Variants in RORA observed in about 807,000 individuals in gnomAD.
RORA encodes RAR related orphan receptor A, also known as nuclear receptor ROR-alpha.
RORA carries 7 observed loss-of-function variants against 69.5 expected under a neutral mutation model. That is an observed-to-expected ratio of 0.10 (90% CI 0.06 to 0.19). RORA has a LOEUF of 0.19. Among genes scored for constraint, RORA ranks in the 10% least tolerant of loss-of-function variants. RORA has a pLI of 1.00. For synonymous variants in RORA, 261 were observed against 240.8 expected (o/e 1.08, Z -0.78); for missense variants, 457 against 663.0 (o/e 0.69, Z 3.41).
At chr15:61,020,703 C>G (rs1420538672) in intron 1 of RORA, among the ~76,000 whole-genome samples, 3 of 152,178 alleles carry the variant, frequency 2.0e-5, no homozygotes, top group Admixed American at 6.5e-5. Context: ...TTTGTAGTCT[C>G]TGCTCTAATC....
At chr15:61,171,219 C>T (rs982801411) in intron 1 of RORA, among the ~76,000 whole-genome samples, 2 of 152,138 alleles carry the variant, frequency 1.3e-5, no homozygotes, top group Admixed American at 6.5e-5. Flanking sequence ...CTTGCTTCTC[C>T]GGTGTCCTCC....
chr15:60,655,524 C>T (rs1418103299), intron 2 of RORA, among the ~76,000 whole-genome samples: 2 of 152,116 alleles, frequency 1.3e-5, no homozygotes, highest in African/African-American at 2.4e-5. Context: ...CTGTACAATA[C>T]AATTAGCAAA....
chr15:60,827,933 C>A (rs1299228301), intron 1 of RORA, among the ~76,000 whole-genome samples: 2 of 152,240 alleles, frequency 1.3e-5, no homozygotes, highest in Middle Eastern at 3.4e-3. Context: ...TGTTAGTAAC[C>A]CCTGGTATAG....
At position 61,112,051 on chromosome 15, in the gene RORA, C is replaced by T. The variant is rs552205487; in HGVS notation, c.166+117002G>A. On this transcript the variant is annotated intron_variant, in intron 1 of 10. Coordinates refer to ENST00000335670, the MANE Select transcript of RORA (RefSeq NM_134261.3). ...ACTGTGCCAGTGCAGATGGGAATAA[C>T]GTAAACTCCACACTATTCAAAGTGT... 3.3e-5 allele frequency among the ~76,000 whole-genome samples: 5 copies of T among 152,296 alleles called. No individual in the cohort carries two copies. The East Asian group carries it at 9.6e-4, about 29-fold the overall frequency.
At chr15:60,759,271 C>A (rs1466077361) in intron 1 of RORA, among the ~76,000 whole-genome samples, 1 of 152,198 alleles carries the variant, frequency 6.6e-6, no homozygotes, top group African/African-American at 2.4e-5. Context: ...CCAGCCTGGA[C>A]TATGTTTGAG....
chr15:60,850,227 C>T (rs1300790022), intron 1 of RORA, among the ~76,000 whole-genome samples: 1 of 152,162 alleles, frequency 6.6e-6, no homozygotes, highest in Non-Finnish European at 1.5e-5. Context: ...GCAGCTCCTC[C>T]AGCCCAAAGA....
intron 2 of RORA, among the ~76,000 whole-genome samples, chr15:60,544,442 T>G (rs2067003764): frequency 6.6e-6 from 1 of 152,228 alleles, no homozygotes; most frequent in Admixed American, 6.5e-5. Flanking sequence ...GAACACCGTT[T>G]TTATACACCG....
chr15:60,595,454 G>A (rs2068645072), intron 2 of RORA, among the ~76,000 whole-genome samples: 1 of 151,964 alleles, frequency 6.6e-6, no homozygotes, highest in Non-Finnish European at 1.5e-5. Flanking sequence ...AGTTGAGGTT[G>A]CAGTGAGCTG....
chr15:61,120,590 A>G (rs2079093595), intron 1 of RORA, among the ~76,000 whole-genome samples: 1 of 150,780 alleles, frequency 6.6e-6, no homozygotes, highest in Non-Finnish European at 1.5e-5. Context: ...AGTCCCAGCT[A>G]CTCGGGAGGC....
chr15:60,944,519 C>A (rs1388384318), intron 1 of RORA, among the ~76,000 whole-genome samples: 2 of 152,012 alleles, frequency 1.3e-5, no homozygotes, highest in East Asian at 3.8e-4. Flanking sequence ...GAGTTCAAGA[C>A]CAGCTTGGGC....
intron 1 of RORA, among the ~76,000 whole-genome samples, chr15:61,140,526 C>T (rs2079287981): frequency 6.6e-6 from 1 of 152,150 alleles, no homozygotes; most frequent in Non-Finnish European, 1.5e-5. Context: ...ATGCCCCGAT[C>T]CAGAGCAATG....
intron 1 of RORA, among the ~76,000 whole-genome samples, chr15:60,785,632 C>A (rs16943115): frequency 1.8e-4 from 27 of 152,268 alleles, no homozygotes; most frequent in African/African-American, 6.0e-4. Context: ...TGCTTCCTCA[C>A]GTTTCAGGGC....
intron 2 of RORA, among the ~76,000 whole-genome samples, chr15:60,574,146 G>A (rs2067959921): frequency 1.3e-5 from 2 of 152,310 alleles, no homozygotes; most frequent in African/African-American, 2.4e-5. Context: ...CCAGCCCTGC[G>A]AGTCTGGCAG....
At chr15:61,185,882 G>A (rs80184235) in intron 1 of RORA, among the ~76,000 whole-genome samples, 4,157 of 152,168 alleles carry the variant, frequency 0.027, 190 homozygotes, top group African/African-American at 0.094. Context: ...CCCAGACCGA[G>A]ACCTGCATTG....
intron 1 of RORA, among the ~76,000 whole-genome samples, chr15:61,118,780 C>G (rs1202904891): frequency 6.6e-6 from 1 of 151,724 alleles, no homozygotes; most frequent in African/African-American, 2.4e-5. Flanking sequence ...TTCATAAAAA[C>G]AAGTCAGAAA....
chr15:60,506,872 A>G (rs1204349638), intron 5 of RORA, among the ~76,000 whole-genome samples: 1 of 152,128 alleles, frequency 6.6e-6, no homozygotes, highest in African/African-American at 2.4e-5. Context: ...TTGTAATCCC[A>G]GCTACTTGGG....
intron 2 of RORA, among the ~76,000 whole-genome samples, chr15:60,645,309 A>T (rs1596092354): frequency 6.6e-6 from 1 of 151,982 alleles, no homozygotes; most frequent in African/African-American, 2.4e-5. Context: ...GAGTGGCAAA[A>T]AGGACAAAGG....
chr15:60,611,761 CT>C (rs2069098708), intron 2 of RORA, among the ~76,000 whole-genome samples: 1 of 152,026 alleles, frequency 6.6e-6, no homozygotes, highest in African/African-American at 2.4e-5. Context: ...CATCCTCACT[CT>C]TTCATCACTG....
chr15:60,490,643 ATTGCAT>A lies in RORA; in HGVS notation c.*6806_*6811del, dbSNP rs2065026539. On this transcript the variant is annotated 3_prime_UTR_variant, in exon 11 of 11. Transcript: ENST00000335670. This position sits in a 1 kb window ranked among gnomAD's most constrained non-coding sequence, Gnocchi z 4.1. The stretch of plus-strand genomic sequence containing the variant: ...AGTTGAAGAAAGCAGTAAACAAGAG[ATTGCAT>A]TTACATGCAGATGTCTAAAATTTGT... 6.6e-6 allele frequency: 1 copy of A among 152,200 alleles called. No homozygotes were observed. Among genetic ancestry groups the A allele is most frequent in the African/African-American group, 2.4e-5 (1 of 41,456 alleles). 9.4% of individuals were successfully genotyped at this position (152,200 alleles called of 1,614,324 possible).
Sources: allele counts gnomAD v4.1 joint callset (sites outside exome capture counted in the v4.1 genomes callset), GRCh38; gene constraint gnomAD v4.1.1; non-coding constraint Gnocchi (gnomAD v3.1); transcripts MANE v1.5; gene names NCBI Gene and HGNC (gene_info 2026-07-23, HGNC 2026-07-21).